The following SLC8A1 variants were observed in gnomAD, a reference collection of about 807,000 sequenced individuals.
The protein encoded by SLC8A1 is sodium/calcium exchanger 1.
In SLC8A1, 18 loss-of-function variants were observed where a neutral mutation model predicts 68.3. The observed-to-expected ratio is 0.26, with a 90% CI of 0.18 to 0.39. The LOEUF is 0.39. Among genes scored for constraint, SLC8A1 ranks in the 10% least tolerant of loss-of-function variants. The pLI is 1.00. For synonymous variants in SLC8A1, 475 were observed against 415.5 expected, an observed-to-expected ratio of 1.14 and a Z score of -1.74; for missense variants, 985 against 1,156.7, an observed-to-expected ratio of 0.85 and a Z score of 2.15.
At chr2:40,124,674 G>A (rs2148140420) in intron 7 of SLC8A1, among the ~76,000 whole-genome samples, 1 of 152,254 alleles carries the variant, frequency 6.6e-6, no homozygotes, top group East Asian at 1.9e-4. Flanking sequence ...AGGCTCTAGA[G>A]GCAATTTTAC....
intron 2 of SLC8A1, among the ~76,000 whole-genome samples, chr2:40,381,219 G>A (rs1305689060): frequency 6.6e-6 from 1 of 152,000 alleles, no homozygotes; most frequent in East Asian, 1.9e-4. Context: ...ATGGTTTACT[G>A]CATGATGAAT....
intron 2 of SLC8A1, among the ~76,000 whole-genome samples, chr2:40,400,301 A>C (rs941520060): frequency 6.6e-6 from 1 of 152,160 alleles, no homozygotes; most frequent in South Asian, 2.1e-4. Flanking sequence ...ATTTATTTCC[A>C]TTAACCTATC....
At chr2:40,448,845 TAAAGGGACCAGGAAGAG>T (rs1701917544) in intron 1 of SLC8A1, among the ~76,000 whole-genome samples, 1 of 152,106 alleles carries the variant, frequency 6.6e-6, no homozygotes, top group Admixed American at 6.6e-5. Flanking sequence ...AACAAAAAGA[TAAAGGGACCAGGAAGAG>T]TAGAGAGATA....
intron 2 of SLC8A1, among the ~76,000 whole-genome samples, chr2:40,395,817 A>T (rs1478888464): frequency 6.6e-6 from 1 of 152,152 alleles, no homozygotes; most frequent in Non-Finnish European, 1.5e-5. Flanking sequence ...AACACAGCTG[A>T]CACAGGAAAT....
intron 2 of SLC8A1, among the ~76,000 whole-genome samples, chr2:40,326,912 T>A (rs995787349): frequency 6.6e-6 from 1 of 152,166 alleles, no homozygotes; most frequent in African/African-American, 2.4e-5. Context: ...GATCCCAAGG[T>A]CAGGGCTCAT....
chr2:40,167,780 A>G (rs2046794540), intron 4 of SLC8A1, among the ~76,000 whole-genome samples: 2 of 152,220 alleles, frequency 1.3e-5, no homozygotes. Context: ...CTACCACTCT[A>G]ACCTTATATT....
chr2:40,226,615 G>A (rs1320379543), intron 2 of SLC8A1, among the ~76,000 whole-genome samples: 2 of 152,088 alleles, frequency 1.3e-5, no homozygotes, highest in Non-Finnish European at 2.9e-5. Flanking sequence ...CCACTCTAGA[G>A]GCAGAAGAGA....
At chr2:40,182,628 C>G (rs1266604397) in intron 2 of SLC8A1, among the ~76,000 whole-genome samples, 1 of 152,188 alleles carries the variant, frequency 6.6e-6, no homozygotes, top group Non-Finnish European at 1.5e-5. Context: ...CAGTCTCTCT[C>G]TTATCTTAGG....
chr2:40,140,773 T>G (rs2041414397), intron 6 of SLC8A1, among the ~76,000 whole-genome samples: 1 of 152,256 alleles, frequency 6.6e-6, no homozygotes, highest in Non-Finnish European at 1.5e-5. Context: ...GTTAAGTATG[T>G]ATTAAATGAA....
intron 1 of SLC8A1, among the ~76,000 whole-genome samples, chr2:40,504,516 G>C (rs1435700971): frequency 6.6e-6 from 1 of 151,964 alleles, no homozygotes; most frequent in Non-Finnish European, 1.5e-5. Flanking sequence ...ACAAAGTGAA[G>C]AGGCAACACA....
chr2:40,117,187 T>C (rs1017784040), intron 7 of SLC8A1, among the ~76,000 whole-genome samples: 1 of 152,090 alleles, frequency 6.6e-6, no homozygotes, highest in Non-Finnish European at 1.5e-5. Flanking sequence ...AATAGCTTCC[T>C]GTATTAAGCA....
At chr2:40,188,210 CTTA>C (rs975937821) in intron 2 of SLC8A1, among the ~76,000 whole-genome samples, 1 of 152,190 alleles carries the variant, frequency 6.6e-6, no homozygotes, top group Non-Finnish European at 1.5e-5. Flanking sequence ...AGTTAACATT[CTTA>C]TAAGACTACC....
intron 6 of SLC8A1, among the ~76,000 whole-genome samples, chr2:40,143,690 G>A (rs773305942): frequency 1.3e-5 from 2 of 152,146 alleles, no homozygotes; most frequent in Admixed American, 6.5e-5. Context: ...TACTTGGACC[G>A]TTCCTGCTCG....
intron 2 of SLC8A1, among the ~76,000 whole-genome samples, chr2:40,292,821 T>G (rs146613387): frequency 2.0e-5 from 3 of 152,166 alleles, no homozygotes; most frequent in Non-Finnish European, 4.4e-5. Flanking sequence ...GAAAGTTAAA[T>G]TACGCTGCCT....
intron 2 of SLC8A1, among the ~76,000 whole-genome samples, chr2:40,228,753 C>A (rs2059297297): frequency 6.6e-6 from 1 of 152,110 alleles, no homozygotes; most frequent in African/African-American, 2.4e-5. Flanking sequence ...TTAAAATCCA[C>A]CTGTTTTGAT....
chr2:40,246,359 G>T (rs1053239736), intron 2 of SLC8A1, among the ~76,000 whole-genome samples: 1 of 152,182 alleles, frequency 6.6e-6, no homozygotes, highest in African/African-American at 2.4e-5. Flanking sequence ...CTGCAATCAT[G>T]CAACTTTTGG....
At chr2:40,200,585 C>T (rs1385086171) in intron 2 of SLC8A1, among the ~76,000 whole-genome samples, 2 of 151,492 alleles carry the variant, frequency 1.3e-5, no homozygotes, top group Admixed American at 6.6e-5. Context: ...GCTGCATTCC[C>T]ACTTACTATA....
chr2:40,333,471 G>C (rs902001853), intron 2 of SLC8A1, among the ~76,000 whole-genome samples: 3 of 141,608 alleles, frequency 2.1e-5, no homozygotes, highest in East Asian at 4.1e-4. Context: ...AAAAAAAAAA[G>C]AAAAAAGTGT....
At chr2:40,397,246 A>G (rs1368076092) in intron 2 of SLC8A1, among the ~76,000 whole-genome samples, 1 of 152,174 alleles carries the variant, frequency 6.6e-6, no homozygotes, top group Non-Finnish European at 1.5e-5. Context: ...GTCAGCTGCT[A>G]GTGTATACAT....
Sources: gnomAD v4.1 joint callset for allele counts (sites outside exome capture counted in the v4.1 genomes callset) on GRCh38, gnomAD v4.1.1 for gene constraint, MANE v1.5 for transcripts, NCBI Gene and HGNC (gene_info 2026-07-23, HGNC 2026-07-21) for gene names.